The following LIMCH1 variants were observed in gnomAD, a reference collection of about 807,000 sequenced individuals.
LIMCH1 encodes the protein LIM and calponin homology domains-containing protein 1.
In LIMCH1, 113 loss-of-function variants were observed where a neutral mutation model predicts 176.5. That is an observed-to-expected ratio of 0.64 (90% CI 0.55 to 0.75). The LOEUF (loss-of-function observed/expected upper bound fraction) is 0.75, where lower values mean the gene tolerates loss of function less well. LIMCH1 is among the 30% of genes least tolerant of loss of function. The pLI, the probability that LIMCH1 is intolerant of heterozygous loss-of-function variation, is 0.00. For synonymous variants in LIMCH1, 619 were observed against 645.9 expected (o/e 0.96, Z 0.63); for missense variants, 1,674 against 1,814.9 (o/e 0.92, Z 1.41).
intron 1 of LIMCH1, among the ~76,000 whole-genome samples, chr4:41,417,437 C>G (rs1034939501): frequency 1.3e-5 from 2 of 152,126 alleles, no homozygotes; most frequent in Non-Finnish European, 2.9e-5. Context: ...GCTGAAGAGC[C>G]ATTTATTAAG....
At chr4:41,401,760 C>G (rs576573297) in intron 1 of LIMCH1, among the ~76,000 whole-genome samples, 52 of 152,174 alleles carry the variant, frequency 3.4e-4, no homozygotes, top group African/African-American at 1.2e-3. Flanking sequence ...CCCTTGTAAG[C>G]TGGATTCCTA....
At chr4:41,426,166 C>T (rs1269138305) in intron 1 of LIMCH1, among the ~76,000 whole-genome samples, 1 of 150,208 alleles carries the variant, frequency 6.7e-6, no homozygotes, top group Non-Finnish European at 1.5e-5. Context: ...GGACTACAGG[C>T]GCCCGCCACT....
intron 2 of LIMCH1, among the ~76,000 whole-genome samples, chr4:41,601,468 G>A (rs1050850437): frequency 6.6e-6 from 1 of 152,132 alleles, no homozygotes; most frequent in African/African-American, 2.4e-5. Context: ...TCAGGACAGA[G>A]AAAGAGCAGG....
rs529751540 is a variant in LIMCH1 at position 41,502,374 on chromosome 4, C to T, written c.167+7768C>T. Among the ~76,000 whole-genome samples the T allele has an allele frequency of 2.6e-4, 40 of 152,210 alleles. No individual in the cohort carries two copies. The South Asian group carries it at 5.4e-3, about 21-fold the overall frequency. On this transcript the variant is annotated intron_variant, in intron 2 of 26. Transcript: ENST00000313860. ...TGAATAGTGCTGCAATGAACATATG[C>T]GTGCCTGTATCTTTATAATAGAATG...
At chr4:41,610,155 A>G (rs191329577) in intron 4 of LIMCH1, among the ~76,000 whole-genome samples, 230 of 152,264 alleles carry the variant, frequency 1.5e-3, no homozygotes, top group Non-Finnish European at 2.6e-3. Context: ...TCCCATAACT[A>G]TCTGTGAGAA....
chr4:41,577,729 A>G (rs1358925503), intron 1 of LIMCH1, among the ~76,000 whole-genome samples: 4 of 152,180 alleles, frequency 2.6e-5, no homozygotes, highest in African/African-American at 9.6e-5. Context: ...ACGCCTTGCC[A>G]CAAGTGATTT....
chr4:41,628,548 G>A (rs1345014665), intron 8 of LIMCH1, among the ~76,000 whole-genome samples: 1 of 151,978 alleles, frequency 6.6e-6, no homozygotes, highest in African/African-American at 2.4e-5. Flanking sequence ...AAATCATCAA[G>A]GTAACAAAAG....
chr4:41,482,585 A>G (rs2154168237), intron 1 of LIMCH1, among the ~76,000 whole-genome samples: 1 of 152,280 alleles, frequency 6.6e-6, no homozygotes, highest in Non-Finnish European at 1.5e-5. Context: ...GTTAGACAGT[A>G]TGACAATATT....
At chr4:41,534,905 T>A (rs2077711682), upstream of LIMCH1, among the ~76,000 whole-genome samples, 1 of 152,102 alleles carries the variant, frequency 6.6e-6, no homozygotes, top group Non-Finnish European at 1.5e-5. Context: ...CTCATGCCTA[T>A]AATCCCAGAA....
intron 2 of LIMCH1, chr4:41,494,745 C>A (rs2071764279): frequency 1.7e-6 from 1 of 590,800 alleles, no homozygotes; most frequent in Non-Finnish European, 2.9e-6. Flanking sequence ...CTGGGCTAGA[C>A]AAGAAACACA....
intron 1 of LIMCH1, among the ~76,000 whole-genome samples, chr4:41,375,225 A>T (rs954613406): frequency 5.9e-5 from 9 of 152,252 alleles, no homozygotes; most frequent in African/African-American, 2.2e-4. Context: ...GGAGGTGAGT[A>T]TAAGATTATA....
At chr4:41,547,866 T>TATAG (rs1457399943) in intron 1 of LIMCH1, among the ~76,000 whole-genome samples, 1 of 97,220 alleles carries the variant, frequency 1.0e-5, no homozygotes, top group Non-Finnish European at 1.9e-5. Flanking sequence ...TGTGTGTGTA[T>TATAG]ATATATATAT....
At chr4:41,547,867 A>G (rs1395536210) in intron 1 of LIMCH1, among the ~76,000 whole-genome samples, 75 of 116,822 alleles carry the variant, frequency 6.4e-4, no homozygotes, top group Admixed American at 1.1e-3. Context: ...GTGTGTGTAT[A>G]TATATATATA....
At chr4:41,561,815 A>G (rs1266196088) in intron 1 of LIMCH1, among the ~76,000 whole-genome samples, 1 of 152,194 alleles carries the variant, frequency 6.6e-6, no homozygotes, top group Non-Finnish European at 1.5e-5. Context: ...TCTATTCTTT[A>G]TGCCTCCTAA....
At position 41,439,392 on chromosome 4, in the gene LIMCH1, C is replaced by G. The variant is rs556546543; in HGVS notation, c.97-55144C>G. 7.9e-5 allele frequency among the ~76,000 whole-genome samples: 12 copies of G among 152,192 alleles called. No individual in the cohort carries two copies. In the South Asian group the frequency reaches 2.5e-3, roughly 32 times the overall value. ...CTTGAGCCCAGGAGTTTGAGACCAG[C>G]CTGGGCAACATGGTGAAACCCCCAT... is the stretch of plus-strand genomic sequence containing the variant. On this transcript the variant is annotated intron_variant, in intron 1 of 26. Transcript: ENST00000313860.
chr4:41,483,754 C>T (rs551538441), intron 1 of LIMCH1, among the ~76,000 whole-genome samples: 17 of 152,332 alleles, frequency 1.1e-4, no homozygotes, highest in Non-Finnish European at 2.1e-4. Context: ...TCATCTCCTT[C>T]CTTGGGAAAT....
At chr4:41,670,109 G>T (rs1397308396) in intron 21 of LIMCH1, among the ~76,000 whole-genome samples, 2 of 152,230 alleles carry the variant, frequency 1.3e-5, no homozygotes, top group Admixed American at 1.3e-4. Context: ...CTCAGCAGCA[G>T]AAAGATATCT....
chr4:41,361,756 G>A (rs1052613782), intron 1 of LIMCH1, among the ~76,000 whole-genome samples: 4 of 152,212 alleles, frequency 2.6e-5, no homozygotes, highest in African/African-American at 9.6e-5. Context: ...GATGCAGCTT[G>A]GTAGCCCCGA....
intron 1 of LIMCH1, among the ~76,000 whole-genome samples, chr4:41,435,107 C>T (rs1281013935): frequency 6.6e-6 from 1 of 151,878 alleles, no homozygotes; most frequent in African/African-American, 2.4e-5. Context: ...CTCAGTGGAC[C>T]CTATGTTATC....
Sources: allele counts gnomAD v4.1 joint callset (sites outside exome capture counted in the v4.1 genomes callset), GRCh38; gene constraint gnomAD v4.1.1; transcripts MANE v1.5; gene names NCBI Gene and HGNC (gene_info 2026-07-23, HGNC 2026-07-21).